LPXN: variants seen among roughly 807,000 people sequenced by gnomAD.
The protein encoded by LPXN is leupaxin.
A neutral mutation model predicts 45.6 loss-of-function variants in LPXN; 28 were observed. The observed-to-expected ratio is 0.61, with a 90% confidence interval of 0.45 to 0.84. LPXN has a LOEUF of 0.84. Among genes scored for constraint, LPXN ranks in the 40% least tolerant of loss-of-function variants. The pLI is 0.00. For missense variants in LPXN, 459 were observed against 475.0 expected, an observed-to-expected ratio of 0.97 and a Z score of 0.31; for synonymous variants, 166 against 169.9, an observed-to-expected ratio of 0.98 and a Z score of 0.18.
chr11:58,567,646 T>G (rs921589689), intron 2 of LPXN, among the ~76,000 whole-genome samples: 5 of 152,238 alleles, frequency 3.3e-5, no homozygotes, highest in African/African-American at 1.2e-4. Context: ...CTTAAATTAT[T>G]AACTTTGGAA....
At chr11:58,548,249 A>T (rs1853933957) in intron 7 of LPXN, among the ~76,000 whole-genome samples, 1 of 152,152 alleles carries the variant, frequency 6.6e-6, no homozygotes, top group South Asian at 2.1e-4. Flanking sequence ...ACCAAAATAA[A>T]GGTGGTAACA....
chr11:58,549,462 A>G (rs200460447), intron 7 of LPXN, among the ~76,000 whole-genome samples: 1 of 152,210 alleles, frequency 6.6e-6, no homozygotes, highest in East Asian at 1.9e-4. Context: ...GAAACAGCTA[A>G]AATAATTTGG....
At chr11:58,570,787 T>G in intron 1 of LPXN, 74 bp from the exon 2 acceptor site, 6 of 1,119,728 alleles carry the variant, frequency 5.4e-6, no homozygotes, top group South Asian at 1.9e-5. Context: ...CTTAAATATC[T>G]TCACTGTGCC....
At chr11:58,545,014 G>A (rs1026187076) in intron 7 of LPXN, among the ~76,000 whole-genome samples, 1 of 152,136 alleles carries the variant, frequency 6.6e-6, no homozygotes, top group Non-Finnish European at 1.5e-5. Context: ...CTAACTTGGG[G>A]TGAGGCAGGA....
rs754220789 is a variant in LPXN at position 58,528,185 on chromosome 11, T to C, written c.749A>G (p.His250Arg). The change falls in exon 8 of 9, where the codon CAT becomes CGT. Residue 250 changes from histidine to arginine, a missense_variant. Physicochemically the swap from His to Arg is conservative, Grantham distance 29 (BLOSUM62 0). Transcript: ENST00000395074. ...CGEVFGAEGF[H>R]EKDKKPYCRK... ...GCAATATGGCTTCTTGTCCTTCTCA[T>C]GAAAGCCTGGAGAGATAAAATCAGG... is the stretch of plus-strand genomic sequence containing the variant. 1.9e-6 allele frequency: 3 copies of C among 1,614,102 alleles called. No homozygotes were observed. Among genetic ancestry groups the C allele is most frequent in the South Asian group, 2.2e-5 (2 of 91,078 alleles).
At position 58,527,349 on chromosome 11, in the gene LPXN, A is replaced by G. The variant is rs1853253993; in HGVS notation, c.*105T>C. 6.0e-6 allele frequency: 7 copies of G among 1,174,722 alleles called. No individual in the cohort carries two copies. The highest frequency in any genetic ancestry group is 2.2e-5 in the Admixed American group (1 of 46,464). The allele number at this position is 1,174,722 out of a possible 1,614,324, so 72.8% of individuals were successfully genotyped here. On this transcript the variant is annotated 3_prime_UTR_variant, in exon 9 of 9. Transcript: ENST00000395074. Reference sequence around the variant, plus strand: ...TTTGCTCATCACCTTTCCTTTTTCTATAAGACTATTAAGCAGAAGGTCAGT... The same window carrying G: ...TTTGCTCATCACCTTTCCTTTTTCTGTAAGACTATTAAGCAGAAGGTCAGT...
rs1853264245 is a variant in LPXN at position 58,527,618 on chromosome 11, C to T, written c.997G>A (p.Gly333Arg). The T allele has an allele frequency of 6.2e-7, 1 of 1,614,186 alleles. No homozygotes were observed. Among genetic ancestry groups the T allele is most frequent in the East Asian group, 2.2e-5 (1 of 44,872 alleles). The change falls in exon 9 of 9, where the codon GGG becomes AGG. Residue 333 changes from glycine (G) to arginine (R), a missense_variant. By Grantham distance (125) the Gly-to-Arg change is moderately radical. Transcript: ENST00000395074. ...ATACAACGGCCAGTGATGGGCTGCC[C>T]ACACCCATGGCAGAGCGTTCCCCGG... ...HRRGTLCHGC[G>R]QPITGRCISA...
At chr11:58,577,464 G>T (rs984153751), upstream of LPXN, among the ~76,000 whole-genome samples, 13 of 152,104 alleles carry the variant, frequency 8.5e-5, no homozygotes, top group Admixed American at 6.5e-4. Flanking sequence ...CCCAGATCTT[G>T]TTTCCAGCTT....
chr11:58,575,441 G>A (rs1417283841), intron 1 of LPXN, among the ~76,000 whole-genome samples: 1 of 151,982 alleles, frequency 6.6e-6, no homozygotes, highest in Non-Finnish European at 1.5e-5. Context: ...GATCTCCAGT[G>A]ACCTCCAAAG....
In LPXN at chr11:58,530,039, C is replaced by T. The variant is rs573110014; in HGVS notation, c.743-1848G>A. Among the ~76,000 whole-genome samples the T allele has an allele frequency of 1.4e-4, 21 of 152,344 alleles. No individual in the cohort carries two copies. In the South Asian group the frequency reaches 2.5e-3, roughly 18 times the overall value. On this transcript the variant is annotated intron_variant, in intron 7 of 8. Coordinates refer to ENST00000395074, the MANE Select transcript of LPXN (RefSeq NM_004811.3). ...TGCTTTTCCCATAGTCTTCACAAAC[C>T]GCAGACCTGGAGATTCCCTCTTGTG...
intron 8 of LPXN, 60 bp downstream of exon 8, chr11:58,527,983 C>G: frequency 6.4e-7 from 1 of 1,561,630 alleles, no homozygotes; most frequent in Non-Finnish European, 8.7e-7. Context: ...GCAGCTCTTC[C>G]TCTCAGAGAG....
chr11:58,530,131 A>T (rs1853343819), intron 7 of LPXN, among the ~76,000 whole-genome samples: 1 of 152,160 alleles, frequency 6.6e-6, no homozygotes, highest in South Asian at 2.1e-4. Flanking sequence ...ACACTGAGCT[A>T]GCTTTAGAAG....
chr11:58,570,784 A>G, intron 1 of LPXN, 71 bp from the exon 2 acceptor site: 2 of 1,153,978 alleles, frequency 1.7e-6, no homozygotes, highest in Non-Finnish European at 2.4e-6. Flanking sequence ...CTCCTTAAAT[A>G]TCTTCACTGT....
At chr11:58,552,378 A>G (rs1402029560) in intron 4 of LPXN, among the ~76,000 whole-genome samples, 1 of 151,628 alleles carries the variant, frequency 6.6e-6, no homozygotes, top group Non-Finnish European at 1.5e-5. Context: ...GGCTCTCTCT[A>G]CTCCTTTCCA....
chr11:58,576,167 CTTTCTTT>C (rs1854883904), upstream of LPXN, among the ~76,000 whole-genome samples: 2 of 150,960 alleles, frequency 1.3e-5, no homozygotes, highest in Admixed American at 6.6e-5. Flanking sequence ...CTCTGAGCAT[CTTTCTTT>C]TTTCTTTTTT....
intron 1 of LPXN, among the ~76,000 whole-genome samples, chr11:58,572,798 A>T (rs1183340284): frequency 6.6e-6 from 1 of 152,188 alleles, no homozygotes; most frequent in African/African-American, 2.4e-5. Flanking sequence ...TAACATAATT[A>T]CAGGGGTGAA....
At position 58,527,611 on chromosome 11, in the gene LPXN, GGCT is replaced by G; in HGVS notation, c.1001_1003del (p.Gln334del). ...GGCACTGATACAACGGCCAGTGATG[GGCT>G]GCCCACACCCATGGCAGAGCGTTCC... On this transcript the variant is annotated inframe_deletion, in exon 9 of 9. Transcript: ENST00000395074. The G allele has an allele frequency of 6.2e-7, 1 of 1,614,182 alleles. No individual in the cohort carries two copies. The highest frequency in any genetic ancestry group is 8.5e-7 in the Non-Finnish European group (1 of 1,180,040).
At chr11:58,567,751 G>A (rs893422252) in intron 2 of LPXN, among the ~76,000 whole-genome samples, 2 of 152,162 alleles carry the variant, frequency 1.3e-5, no homozygotes, top group African/African-American at 4.8e-5. Flanking sequence ...GGTAAATATT[G>A]AAAAATATTT....
intron 1 of LPXN, among the ~76,000 whole-genome samples, chr11:58,572,875 G>A (rs1854751061): frequency 6.6e-6 from 1 of 152,128 alleles, no homozygotes; most frequent in South Asian, 2.1e-4. Flanking sequence ...TGGTTGATGG[G>A]TATATCAGAA....
Sources: allele counts gnomAD v4.1 joint callset (sites outside exome capture counted in the v4.1 genomes callset), GRCh38; gene constraint gnomAD v4.1.1; transcripts MANE v1.5; gene names NCBI Gene and HGNC (gene_info 2026-07-23, HGNC 2026-07-21).